The following TMED8 variants were observed in gnomAD, a reference collection of about 807,000 sequenced individuals.
TMED8 encodes the protein transmembrane p24 trafficking protein family member 8, also known as protein TMED8.
A neutral mutation model predicts 32.7 loss-of-function variants in TMED8; 15 were observed. The ratio of observed to expected loss-of-function variants is 0.46; its 90% CI spans 0.31 to 0.71. TMED8 has a LOEUF of 0.71. Among genes scored for constraint, TMED8 ranks in the 30% least tolerant of loss-of-function variants. The probability of loss-of-function intolerance (pLI) is 0.06; values close to 1 mark genes in which losing one functional copy is unlikely to be tolerated. For missense variants in TMED8, 390 were observed against 423.9 expected (o/e 0.92, Z 0.70); for synonymous variants, 147 against 161.4 (o/e 0.91, Z 0.68).
chr14:77,347,658 G>C lies in TMED8; in HGVS notation c.198-1180C>G, dbSNP rs186641441. ...GACCTCAGGTGATCTGCCTGCCTCG[G>C]CCTCCCAAAGTACTAGGATTACAGG... On this transcript the variant is annotated intron_variant, in intron 2 of 5. Coordinates refer to ENST00000216468, the MANE Select transcript of TMED8 (RefSeq NM_213601.3). Among the ~76,000 whole-genome samples, 13 of 152,322 alleles carry C rather than the reference G, an allele frequency of 8.5e-5. No homozygotes were observed. In the East Asian group the frequency reaches 2.5e-3, roughly 29 times the overall value.
intron 1 of TMED8, among the ~76,000 whole-genome samples, chr14:77,370,733 A>G (rs1343979537): frequency 7.5e-6 from 1 of 133,726 alleles, no homozygotes; most frequent in Non-Finnish European, 1.6e-5. Context: ...TTTTATGCAT[A>G]TAAAAAAAAG....
intron 1 of TMED8, among the ~76,000 whole-genome samples, chr14:77,367,240 TAAAAAAAAAA>T (rs56707120): frequency 4.0e-5 from 1 of 25,074 alleles, no homozygotes; most frequent in Non-Finnish European, 8.5e-5. Flanking sequence ...AGACTCTGTC[TAAAAAAAAAA>T]AAAAAAAAAA....
chr14:77,359,513 C>T (rs902289326), intron 1 of TMED8: 28 of 337,804 alleles, frequency 8.3e-5, no homozygotes, highest in Middle Eastern at 7.7e-4. Flanking sequence ...CAACCTACAA[C>T]GACCTGAAGA....
At chr14:77,345,400 A>AT (rs1265662865) in intron 3 of TMED8, among the ~76,000 whole-genome samples, 9 of 152,204 alleles carry the variant, frequency 5.9e-5, no homozygotes, top group African/African-American at 2.2e-4. Flanking sequence ...GTATTATACA[A>AT]ATCTAATTAT....
chr14:77,360,973 C>CTTTTTTT (rs71128616), intron 1 of TMED8, among the ~76,000 whole-genome samples: 1 of 85,468 alleles, frequency 1.2e-5, no homozygotes, highest in Non-Finnish European at 2.2e-5. Context: ...GATCCTTTGC[C>CTTTTTTT]TTTTTTTTTT....
At chr14:77,353,797 G>C (rs1250214223) in intron 1 of TMED8, among the ~76,000 whole-genome samples, 1 of 151,962 alleles carries the variant, frequency 6.6e-6, no homozygotes, top group Non-Finnish European at 1.5e-5. Flanking sequence ...CAGTCTCACA[G>C]GCAGAAAGAC....
intron 3 of TMED8, among the ~76,000 whole-genome samples, chr14:77,345,422 G>C (rs902487082): frequency 6.6e-6 from 1 of 152,116 alleles, no homozygotes; most frequent in African/African-American, 2.4e-5. Context: ...ACGCCTGGTG[G>C]TGTCTTCATT....
chr14:77,355,154 TTG>T (rs149768550), intron 1 of TMED8, among the ~76,000 whole-genome samples: 23 of 147,722 alleles, frequency 1.6e-4, no homozygotes, highest in South Asian at 4.3e-4. Context: ...TGTATATGTA[TTG>T]TGTGTGTGTG....
intron 1 of TMED8, among the ~76,000 whole-genome samples, chr14:77,358,135 A>G (rs1354215503): frequency 1.3e-5 from 2 of 151,030 alleles, no homozygotes; most frequent in East Asian, 1.9e-4. Flanking sequence ...AAAAAAAAAA[A>G]AAAAAAAAAG....
In TMED8 at chr14:77,377,081, T is replaced by G. The variant is rs573434836; in HGVS notation, c.-28A>C. 3.0e-5 allele frequency: 39 copies of G among 1,318,872 alleles called. No individual in the cohort carries two copies. The African/African-American group carries it at 3.3e-4, about 11-fold the overall frequency. 81.7% of individuals were successfully genotyped at this position (1,318,872 alleles called of 1,614,324 possible). ...GCAGCCCGCGCACGGAGCTCTCCGC[T>G]GCCAGCCGCGAGTGGCTCCGGAAAC... On this transcript the variant is annotated 5_prime_UTR_variant, in exon 1 of 6. Transcript: ENST00000216468.
rs1190408697 is a variant in TMED8 at position 77,376,876 on chromosome 14, C to T, written c.118+60G>A. On this transcript the variant is annotated intron_variant, in intron 1 of 5. Coordinates refer to ENST00000216468, the MANE Select transcript of TMED8 (RefSeq NM_213601.3). The surrounding 1 kb of genome is among the most constrained non-coding windows in gnomAD (Gnocchi z 4.0). ...GACAGAGCGCGGCGGAGGCTCGCGC[C>T]GTGGTGCGGGGCCCTGAGGCCGGGC... 4 of 1,087,212 alleles carry T rather than the reference C, an allele frequency of 3.7e-6. No homozygotes were observed. Among genetic ancestry groups the T allele is most frequent in the Admixed American group, 4.2e-5 (1 of 23,568 alleles). 67.3% of individuals were successfully genotyped at this position (1,087,212 alleles called of 1,614,324 possible). A position where few individuals can be genotyped will look rare whatever the true frequency, so the allele number is the denominator to read the frequency against.
rs1462721610 is a variant in TMED8, at chr14:77,357,485, CT to C, written c.119-5735del. Reference sequence around the variant, plus strand: ...AATTCTACTAAAAACAAAATTTCCCCTCATCAACTATTTGGCTACTCTGACA... The same window carrying C: ...AATTCTACTAAAAACAAAATTTCCCCCATCAACTATTTGGCTACTCTGACA... On this transcript the variant is annotated intron_variant, in intron 1 of 5. Transcript: ENST00000216468. 1.4e-4 allele frequency among the ~76,000 whole-genome samples: 21 copies of C among 152,276 alleles called. No individual in the cohort carries two copies. The East Asian group carries it at 3.7e-3, about 27-fold the overall frequency.
chr14:77,358,891 C>CTTTT (rs531819905), intron 1 of TMED8, among the ~76,000 whole-genome samples: 4 of 151,886 alleles, frequency 2.6e-5, no homozygotes, highest in African/African-American at 7.2e-5. Context: ...TCTTCTGCAA[C>CTTTT]TTTTTTTTGT....
Position 77,340,847 on chromosome 14 carries a change from C to G in TMED8, c.*924G>C, listed in dbSNP as rs1233403343. The G allele has an allele frequency of 1.4e-5, 2 of 147,940 alleles. No homozygotes were observed. Among genetic ancestry groups the G allele is most frequent in the Non-Finnish European group, 3.0e-5 (2 of 67,146 alleles). 9.2% of individuals were successfully genotyped at this position (147,940 alleles called of 1,614,324 possible). A position where few individuals can be genotyped will look rare whatever the true frequency, so the allele number is the denominator to read the frequency against. On this transcript the variant is annotated 3_prime_UTR_variant, in exon 6 of 6. Transcript: ENST00000216468. Reference sequence around the variant, plus strand: ...CTAAACAGCACTCCTACTCTAAAGACAAAAAAAAGCGGTGGGGACTCTGGA... The same window carrying G: ...CTAAACAGCACTCCTACTCTAAAGAGAAAAAAAAGCGGTGGGGACTCTGGA...
chr14:77,370,623 A>T (rs1893654321), intron 1 of TMED8, among the ~76,000 whole-genome samples: 1 of 152,204 alleles, frequency 6.6e-6, no homozygotes, highest in African/African-American at 2.4e-5. Flanking sequence ...TTCAAAATTC[A>T]AAAAGCATAT....
At position 77,341,581 on chromosome 14, in the gene TMED8, A is replaced by G; in HGVS notation, c.*190T>C. On this transcript the variant is annotated 3_prime_UTR_variant, in exon 6 of 6. Transcript: ENST00000216468. ...GAGTCAGGGACTACAGAACAGGGGC[A>G]CTACACCACCACCTGCAGAAGCCAA... 1.6e-6 allele frequency: 1 copy of G among 613,066 alleles called. No individual in the cohort carries two copies. Among genetic ancestry groups the G allele is most frequent in the Non-Finnish European group, 2.9e-6 (1 of 345,954 alleles). 38.0% of individuals were successfully genotyped at this position (613,066 alleles called of 1,614,324 possible).
intron 1 of TMED8, among the ~76,000 whole-genome samples, chr14:77,357,145 T>C (rs1030290294): frequency 6.6e-6 from 1 of 152,220 alleles, no homozygotes; most frequent in Admixed American, 6.5e-5. Context: ...AGCAATTCTA[T>C]TGGACTGTGT....
intron 1 of TMED8, among the ~76,000 whole-genome samples, chr14:77,355,198 C>CTT (rs769300656): frequency 1.1e-3 from 159 of 138,828 alleles, no homozygotes; most frequent in South Asian, 4.8e-3. Context: ...GCACTAAACA[C>CTT]TTTTTTTTTT....
chr14:77,349,071 T>C (rs1893118320), intron 2 of TMED8, among the ~76,000 whole-genome samples: 1 of 150,018 alleles, frequency 6.7e-6, no homozygotes, highest in South Asian at 2.1e-4. Flanking sequence ...TGCACAGCAC[T>C]GGGAACCAAG....
Sources: gnomAD v4.1 joint callset for allele counts (sites outside exome capture counted in the v4.1 genomes callset) on GRCh38, gnomAD v4.1.1 for gene constraint, Gnocchi (gnomAD v3.1) non-coding constraint, MANE v1.5 for transcripts, NCBI Gene and HGNC (gene_info 2026-07-23, HGNC 2026-07-21) for gene names.